Variants in SUCLG2 observed in about 807,000 individuals in gnomAD.
The protein encoded by SUCLG2 is succinate-CoA ligase GDP-forming subunit beta, also known as succinate--CoA ligase [GDP-forming] subunit beta, mitochondrial.
In SUCLG2, 42 loss-of-function variants were observed where a neutral mutation model predicts 47.9. That is an observed-to-expected ratio of 0.88 (90% CI 0.69 to 1.14). SUCLG2 has a LOEUF of 1.14. SUCLG2 is among the 50% of genes most tolerant of loss of function. The pLI is 0.00. For synonymous variants in SUCLG2, 195 were observed against 197.3 expected, an observed-to-expected ratio of 0.99 and a Z score of 0.10; for missense variants, 571 against 525.9, an observed-to-expected ratio of 1.09 and a Z score of -0.84.
chr3:67,597,801 G>A (rs1193177105), intron 2 of SUCLG2, among the ~76,000 whole-genome samples: 4 of 151,706 alleles, frequency 2.6e-5, no homozygotes, highest in Admixed American at 6.6e-5. Flanking sequence ...AGCCAGGCAC[G>A]GTGGCGGGTG....
intron 2 of SUCLG2, among the ~76,000 whole-genome samples, chr3:67,561,876 C>G (rs562790936): frequency 2.1e-4 from 32 of 152,304 alleles, no homozygotes; most frequent in African/African-American, 7.0e-4. Flanking sequence ...AGAGTTCTTA[C>G]AAATAAATCT....
At chr3:67,577,325 T>G (rs1032337251) in intron 2 of SUCLG2, among the ~76,000 whole-genome samples, 4 of 151,484 alleles carry the variant, frequency 2.6e-5, no homozygotes, top group Non-Finnish European at 5.9e-5. Flanking sequence ...AAAAAAAAGT[T>G]AAGTGCTTAT....
intron 4 of SUCLG2, among the ~76,000 whole-genome samples, chr3:67,521,352 G>T (rs759387038): frequency 6.6e-6 from 1 of 152,296 alleles, no homozygotes; most frequent in South Asian, 2.1e-4. Context: ...TCATTTGCCA[G>T]GGCCATGACT....
chr3:67,426,112 T>C (rs1421584635), intron 9 of SUCLG2, among the ~76,000 whole-genome samples: 4 of 152,114 alleles, frequency 2.6e-5, no homozygotes, highest in Admixed American at 2.6e-4. Context: ...TTCCAGGAGG[T>C]TAGACAAGAC....
chr3:67,457,684 CTTTTTTTTTTTTTTTTT>C (rs71109889), intron 9 of SUCLG2, among the ~76,000 whole-genome samples: 2 of 65,510 alleles, frequency 3.1e-5, no homozygotes, highest in Non-Finnish European at 5.2e-5. Flanking sequence ...ACAAAAGCAG[CTTTTTTTTTTTTTTTTT>C]TTTTTTTTTA....
intron 2 of SUCLG2, among the ~76,000 whole-genome samples, chr3:67,601,948 C>T (rs1708429535): frequency 6.6e-6 from 1 of 152,056 alleles, no homozygotes; most frequent in Admixed American, 6.5e-5. Flanking sequence ...CACCCCCCAA[C>T]TCCAGCCGGG....
chr3:67,428,586 A>G (rs553480384), intron 9 of SUCLG2, among the ~76,000 whole-genome samples: 5 of 152,354 alleles, frequency 3.3e-5, no homozygotes, highest in Admixed American at 6.5e-5. Context: ...AACAAAGCTG[A>G]ACAGAGAATG....
At chr3:67,644,781 C>CA (rs1422878815) in intron 1 of SUCLG2, among the ~76,000 whole-genome samples, 2 of 151,732 alleles carry the variant, frequency 1.3e-5, no homozygotes, top group African/African-American at 4.8e-5. Context: ...GTTTCAGAGA[C>CA]AAAAAAGGAA....
intron 2 of SUCLG2, among the ~76,000 whole-genome samples, chr3:67,559,642 C>CTA (rs1707255520): frequency 6.6e-6 from 1 of 152,102 alleles, no homozygotes; most frequent in Non-Finnish European, 1.5e-5. Flanking sequence ...AGACTACCAT[C>CTA]TATATGTTTA....
At chr3:67,504,809 TCACAGTGGCTAG>T (rs1319632579) in intron 7 of SUCLG2, among the ~76,000 whole-genome samples, 1 of 152,086 alleles carries the variant, frequency 6.6e-6, no homozygotes, top group Admixed American at 6.6e-5. Flanking sequence ...ACATGAAATT[TCACAGTGGCTAG>T]CAAAATGAAT....
intron 2 of SUCLG2, among the ~76,000 whole-genome samples, chr3:67,553,765 C>T (rs1017947151): frequency 1.3e-5 from 2 of 152,096 alleles, no homozygotes; most frequent in African/African-American, 2.4e-5. Flanking sequence ...TTGTCAAAAA[C>T]TTTATCTTTC....
chr3:67,420,400 C>G (rs547917827), intron 9 of SUCLG2, among the ~76,000 whole-genome samples: 83 of 152,146 alleles, frequency 5.5e-4, no homozygotes, highest in Non-Finnish European at 1.1e-3. Context: ...ACAAATTTGG[C>G]TGTATATTGG....
rs893244490 is a variant in SUCLG2, at chr3:67,644,276, A to C, written c.84+10227T>G. 2.6e-5 allele frequency among the ~76,000 whole-genome samples: 4 copies of C among 152,244 alleles called. No individual in the cohort carries two copies. In the South Asian group the frequency reaches 6.2e-4, roughly 24 times the overall value. ...TGGATTAAAAAAAAGATATATACAC[A>C]TATCATGGAATATTATTCAGCCTAA... On this transcript the variant is annotated intron_variant, in intron 1 of 10. Coordinates refer to ENST00000307227, the MANE Select transcript of SUCLG2 (RefSeq NM_003848.4).
At chr3:67,553,116 T>G (rs567900098) in intron 2 of SUCLG2, among the ~76,000 whole-genome samples, 26 of 152,224 alleles carry the variant, frequency 1.7e-4, no homozygotes, top group African/African-American at 6.0e-4. Flanking sequence ...GAATGTTATC[T>G]TGCTGCCCAG....
At chr3:67,453,699 T>C (rs6794334) in intron 9 of SUCLG2, among the ~76,000 whole-genome samples, 3,454 of 152,292 alleles carry the variant, frequency 0.023, 128 homozygotes, top group African/African-American at 0.079. Flanking sequence ...AATCTTCCAA[T>C]GCAGTTATTT....
intron 9 of SUCLG2, among the ~76,000 whole-genome samples, chr3:67,464,650 T>C (rs555971915): frequency 4.0e-4 from 61 of 152,300 alleles, no homozygotes; most frequent in African/African-American, 1.3e-3. Context: ...AAAGGAAGCA[T>C]AGGAACTGTC....
downstream of SUCLG2, among the ~76,000 whole-genome samples, chr3:67,374,308 A>G (rs868424504): frequency 6.6e-6 from 1 of 152,224 alleles, no homozygotes; most frequent in Admixed American, 6.5e-5. Flanking sequence ...TCCACACATA[A>G]AATTTATGAG....
Position 67,395,448 on chromosome 3 carries a change from G to A in SUCLG2, c.1183+5283C>T, listed in dbSNP as rs536749687. 4.8e-4 allele frequency among the ~76,000 whole-genome samples: 73 copies of A among 152,234 alleles called. 1 individual carries two copies. The South Asian group carries it at 0.013, about 28-fold the overall frequency. The stretch of plus-strand genomic sequence containing the variant: ...AGAAGGCCATTACATAATGGTAAAG[G>A]GATCAATTCAACAAGAAGAACTAAC... On this transcript the variant is annotated intron_variant, in intron 10 of 10. Coordinates refer to ENST00000307227, the MANE Select transcript of SUCLG2 (RefSeq NM_003848.4).
intron 2 of SUCLG2, among the ~76,000 whole-genome samples, chr3:67,583,303 C>T (rs911762923): frequency 6.6e-6 from 1 of 152,188 alleles, no homozygotes; most frequent in African/African-American, 2.4e-5. Context: ...ACCATCCTCC[C>T]CGCTTGCCTG....
Sources: allele counts gnomAD v4.1 joint callset (sites outside exome capture counted in the v4.1 genomes callset), GRCh38; gene constraint gnomAD v4.1.1; transcripts MANE v1.5; gene names NCBI Gene and HGNC (gene_info 2026-07-23, HGNC 2026-07-21).